Variants in PHACTR4 observed in about 807,000 individuals in gnomAD.
PHACTR4 encodes protein phosphatase 1, regulatory subunit 124.
Under a neutral mutation model 72.7 loss-of-function variants are expected in PHACTR4, and 51 were observed. That is an observed-to-expected ratio of 0.70 (90% confidence interval 0.56 to 0.89). The LOEUF (loss-of-function observed/expected upper bound fraction) is 0.89. Among genes scored for constraint, PHACTR4 ranks in the 40% least tolerant of loss-of-function variants. The pLI, the probability that PHACTR4 is intolerant of heterozygous loss-of-function variation, is 0.00. For missense variants in PHACTR4, 731 were observed against 861.8 expected (o/e 0.85, Z 1.90); for synonymous variants, 255 against 302.5 (o/e 0.84, Z 1.63).
rs1276799063 is a variant in PHACTR4, at chr1:28,372,572, T to A, written c.-39+2747T>A. Among the ~76,000 whole-genome samples the A allele has an allele frequency of 3.3e-5, 5 of 151,912 alleles. No individual in the cohort carries two copies. The East Asian group carries it at 9.7e-4, about 29-fold the overall frequency. On this transcript the variant is annotated intron_variant, in intron 1 of 13. Coordinates refer to ENST00000373839, the MANE Select transcript of PHACTR4 (RefSeq NM_001048183.3). ...TGCTCTAGTTTTAATAATAAACTGGTTGGGCGCGGTGGCTCACACCTGTAA... is the reference window on the plus strand; with the variant it reads ...TGCTCTAGTTTTAATAATAAACTGGATGGGCGCGGTGGCTCACACCTGTAA...
intron 1 of PHACTR4, among the ~76,000 whole-genome samples, chr1:28,392,406 CTT>C (rs201902576): frequency 1.3e-4 from 19 of 141,850 alleles, no homozygotes; most frequent in South Asian, 2.2e-4. Flanking sequence ...ATTCCTTTTT[CTT>C]TTTTTTTTTT....
chr1:28,397,398 G>T (rs1353199034), intron 1 of PHACTR4, among the ~76,000 whole-genome samples: 1 of 152,112 alleles, frequency 6.6e-6, no homozygotes, highest in African/African-American at 2.4e-5. Context: ...AAACTAACTT[G>T]TGCTAATTTG....
In PHACTR4 at chr1:28,441,228, T is replaced by A. The variant is rs538339862; in HGVS notation, c.17-17857T>A. Among the ~76,000 whole-genome samples the A allele has an allele frequency of 4.4e-3, 666 of 152,208 alleles. 3 individuals are homozygous for A. The highest frequency in any genetic ancestry group is 0.014 in the African/African-American group (572 of 41,568). Reference sequence around the variant, plus strand: ...TACTTCTTTTTTTTTAATTTAATTTTATTTTTTTTTTACTTAAAAAATATT... The same window carrying A: ...TACTTCTTTTTTTTTAATTTAATTTAATTTTTTTTTTACTTAAAAAATATT... On this transcript the variant is annotated intron_variant, in intron 2 of 13. Transcript: ENST00000373839.
At chr1:28,430,699 G>C (rs1656198749) in intron 2 of PHACTR4, among the ~76,000 whole-genome samples, 1 of 152,104 alleles carries the variant, frequency 6.6e-6, no homozygotes, top group African/African-American at 2.4e-5. Flanking sequence ...CCCCTCACTG[G>C]AGTTTACCTC....
intron 1 of PHACTR4, among the ~76,000 whole-genome samples, chr1:28,387,440 T>C (rs184926760): frequency 3.6e-4 from 55 of 152,284 alleles, no homozygotes; most frequent in Admixed American, 6.5e-4. Flanking sequence ...AAAGAATAAC[T>C]GTATAGAACC....
chr1:28,455,426 A>T (rs1658320529), intron 2 of PHACTR4, among the ~76,000 whole-genome samples: 1 of 150,004 alleles, frequency 6.7e-6, no homozygotes, highest in South Asian at 2.1e-4. Flanking sequence ...CAAACTCCTG[A>T]TCTCAGGTGG....
In PHACTR4 at chr1:28,459,099, C is replaced by A. The variant is rs912765475; in HGVS notation, c.31C>A (p.Pro11Thr). The change falls in exon 3 of 14, where the codon CCC becomes ACC. Residue 11 changes from proline to threonine, a missense_variant. Around this residue, in one of 2 missense-constraint regions of PHACTR4, gnomAD observed 621 missense variants for 676.6 expected, o/e 0.92. Coordinates refer to ENST00000373839, the MANE Select transcript of PHACTR4 (RefSeq NM_001048183.3). ...TCATGTAACAGAGGAAGCAGACCAG[C>A]CCACTACAGAGCCAGGCATGGTCCT... Reference protein sequence around the residue: MEDPFEEADQPTTEPGMVLDS... With the variant: MEDPFEEADQTTTEPGMVLDS... 2.5e-6 allele frequency: 4 copies of A among 1,610,732 alleles called. No individual in the cohort carries two copies. In the East Asian group the frequency reaches 8.9e-5, roughly 36 times the overall value.
chr1:28,441,533 A>G (rs1468211126), intron 2 of PHACTR4, among the ~76,000 whole-genome samples: 2 of 152,312 alleles, frequency 1.3e-5, no homozygotes, highest in African/African-American at 4.8e-5. Flanking sequence ...ATCCAACCAG[A>G]GTTTCTACTG....
intron 2 of PHACTR4, among the ~76,000 whole-genome samples, chr1:28,423,600 TA>T (rs1655649664): frequency 6.6e-6 from 1 of 152,162 alleles, no homozygotes; most frequent in Non-Finnish European, 1.5e-5. Flanking sequence ...GTTTTTGTTG[TA>T]TATGTAGGTT....
At chr1:28,493,154 T>C (rs374576592) in intron 13 of PHACTR4, 63 bp downstream of exon 13, 12 of 1,351,274 alleles carry the variant, frequency 8.9e-6, no homozygotes, top group Non-Finnish European at 1.3e-5. Flanking sequence ...ATTGTTCAGA[T>C]ATGAAGGGCT....
intron 1 of PHACTR4, among the ~76,000 whole-genome samples, chr1:28,399,463 T>C (rs1003382248): frequency 6.6e-6 from 1 of 152,210 alleles, no homozygotes; most frequent in Non-Finnish European, 1.5e-5. Context: ...AGGAAACTTG[T>C]TCCTTTGAAG....
chr1:28,486,932 C>T (rs369076188), intron 9 of PHACTR4, among the ~76,000 whole-genome samples: 2 of 151,460 alleles, frequency 1.3e-5, no homozygotes, highest in African/African-American at 4.9e-5. Context: ...GGAGGCTGAG[C>T]TGGGGGAATC....
intron 2 of PHACTR4, among the ~76,000 whole-genome samples, chr1:28,448,153 A>G (rs1238708189): frequency 6.6e-6 from 1 of 152,200 alleles, no homozygotes; most frequent in Admixed American, 6.5e-5. Flanking sequence ...CCATTATATT[A>G]TGAAGATATT....
chr1:28,496,668 C>T lies in PHACTR4; in HGVS notation c.*119C>T, dbSNP rs1370943829. 14 of 1,166,936 alleles carry T rather than the reference C, an allele frequency of 1.2e-5. No individual in the cohort carries two copies. Among genetic ancestry groups the T allele is most frequent in the Middle Eastern group, 1.9e-4 (1 of 5,196 alleles). 72.3% of individuals were successfully genotyped at this position (1,166,936 alleles called of 1,614,324 possible). The stretch of plus-strand genomic sequence containing the variant: ...CCAGAATTGCATCCTCTGGGATCTT[C>T]TGAGGTGGACAGCACTTTGAATGTA... On this transcript the variant is annotated 3_prime_UTR_variant, in exon 14 of 14. Transcript: ENST00000373839.
intron 4 of PHACTR4, among the ~76,000 whole-genome samples, chr1:28,463,809 T>C (rs78750481): frequency 2.0e-5 from 3 of 152,312 alleles, no homozygotes; most frequent in South Asian, 4.1e-4. Flanking sequence ...CATGGCTTAC[T>C]GTACCCTTGA....
intron 2 of PHACTR4, among the ~76,000 whole-genome samples, chr1:28,440,935 C>G (rs1363348042): frequency 6.6e-6 from 1 of 152,140 alleles, no homozygotes; most frequent in Admixed American, 6.5e-5. Context: ...CCTAAATTAT[C>G]TGTTTACTAT....
At chr1:28,398,524 A>G (rs1413034184) in intron 1 of PHACTR4, among the ~76,000 whole-genome samples, 1 of 151,964 alleles carries the variant, frequency 6.6e-6, no homozygotes, top group Admixed American at 6.6e-5. Flanking sequence ...ACCCTGTCTC[A>G]AAAAATAAAA....
intron 6 of PHACTR4, 65 bp downstream of exon 6, chr1:28,466,833 G>T (rs887608293): frequency 1.3e-6 from 2 of 1,523,602 alleles, no homozygotes; most frequent in African/African-American, 2.8e-5. Flanking sequence ...TATTTTATTT[G>T]ATAACTGGTA....
intron 9 of PHACTR4, among the ~76,000 whole-genome samples, chr1:28,484,797 C>G (rs1660527711): frequency 6.6e-6 from 1 of 151,874 alleles, no homozygotes; most frequent in Non-Finnish European, 1.5e-5. Flanking sequence ...GAAACCCCAT[C>G]TCTACTAAAA....
Sources: allele counts gnomAD v4.1 joint callset (sites outside exome capture counted in the v4.1 genomes callset), GRCh38; gene constraint gnomAD v4.1.1; regional missense constraint gnomAD v4.1.1; transcripts MANE v1.5; gene names NCBI Gene and HGNC (gene_info 2026-07-23, HGNC 2026-07-21).